The following CACNA1C variants were observed in gnomAD, a reference collection of about 807,000 sequenced individuals.
CACNA1C encodes the protein calcium voltage-gated channel subunit alpha1 C.
A neutral mutation model predicts 229.0 loss-of-function variants in CACNA1C; 30 were observed. The observed-to-expected ratio is 0.13, with a 90% CI of 0.10 to 0.18. CACNA1C has a LOEUF of 0.18. CACNA1C is among the 10% of genes least tolerant of loss of function. The pLI, the probability that CACNA1C is intolerant of heterozygous loss-of-function variation, is 1.00. For synonymous variants in CACNA1C, 1,114 were observed against 1,132.5 expected (o/e 0.98, Z 0.33); for missense variants, 1,658 against 2,845.0 (o/e 0.58, Z 9.49).
chr12:2,685,563 C>G (rs1452696413), intron 43 of CACNA1C, among the ~76,000 whole-genome samples, 173 bp from the exon 44 acceptor site: 2 of 152,128 alleles, frequency 1.3e-5, no homozygotes, highest in Non-Finnish European at 2.9e-5. Context: ...TGGAAGACGT[C>G]AGGGGCAGGC....
intron 30 of CACNA1C, among the ~76,000 whole-genome samples, chr12:2,643,170 A>T (rs564489246): frequency 6.6e-6 from 1 of 152,324 alleles, no homozygotes; most frequent in South Asian, 2.1e-4. Context: ...AACTCCAAAC[A>T]CACAAGAAAG....
chr12:2,450,470 C>T (rs557068576), intron 4 of CACNA1C, among the ~76,000 whole-genome samples: 1,711 of 137,644 alleles, frequency 0.012, 30 homozygotes, highest in African/African-American at 0.04. Flanking sequence ...AGGAGAATGG[C>T]GTGAACCCGG....
At chr12:2,091,833 C>T (rs879644537) in intron 1 of CACNA1C, among the ~76,000 whole-genome samples, 2 of 152,034 alleles carry the variant, frequency 1.3e-5, no homozygotes, top group Non-Finnish European at 2.9e-5. Context: ...TAAACTTTAC[C>T]CTGGGTTAGT....
At position 2,115,525 on chromosome 12, in the gene CACNA1C, C is replaced by T; in HGVS notation, c.351C>T (p.Cys117=). Reference sequence around the variant, plus strand: ...TGAAGAACCCCATCCGGAGGGCCTGCATCAGCATTGTCGAATGGAAATATC... The same window carrying T: ...TGAAGAACCCCATCCGGAGGGCCTGTATCAGCATTGTCGAATGGAAATATC... ...LTLKNPIRRA[C]ISIVEWKPFE... is the part of the protein sequence containing the mutation. Residue 117 remains cysteine, a synonymous_variant, in exon 2 of 47, where the codon TGC becomes TGT. Transcript: ENST00000399655. The T allele has an allele frequency of 6.2e-7, 1 of 1,613,420 alleles. No individual in the cohort carries two copies. Among genetic ancestry groups the T allele is most frequent in the Non-Finnish European group, 8.5e-7 (1 of 1,179,868 alleles).
chr12:2,507,306 C>T (rs548955042), intron 8 of CACNA1C, among the ~76,000 whole-genome samples: 4 of 152,120 alleles, frequency 2.6e-5, no homozygotes, highest in Non-Finnish European at 5.9e-5. Flanking sequence ...TGTGTATGGG[C>T]GAGCACCTCC....
chr12:1,992,601 C>T (rs1455538939), intron 1 of CACNA1C: 1 of 156,682 alleles, frequency 6.4e-6, no homozygotes, highest in African/African-American at 2.4e-5. Context: ...CAGCAATCTT[C>T]CTCTGGGCTG....
intron 3 of CACNA1C, among the ~76,000 whole-genome samples, chr12:2,214,545 TGA>T (rs749704219): frequency 4.6e-5 from 7 of 151,852 alleles, no homozygotes; most frequent in Non-Finnish European, 8.8e-5. Flanking sequence ...ATGGAGAGGT[TGA>T]GCAACTGCCA....
At chr12:2,310,671 A>T (rs937930795) in intron 3 of CACNA1C, among the ~76,000 whole-genome samples, 6 of 151,978 alleles carry the variant, frequency 3.9e-5, no homozygotes, top group African/African-American at 1.2e-4. Context: ...AGGCAGGGGG[A>T]TGGACTAGAG....
At chr12:2,612,166 T>C in intron 29 of CACNA1C, 153 bp downstream of exon 29, 1 of 609,498 alleles carries the variant, frequency 1.6e-6, no homozygotes. Context: ...CCCCAACTCC[T>C]ACACCTGCCC....
intron 1 of CACNA1C, among the ~76,000 whole-genome samples, chr12:1,986,367 C>T (rs1056414792): frequency 1.3e-5 from 2 of 152,116 alleles, no homozygotes; most frequent in African/African-American, 4.8e-5. Flanking sequence ...CCCAGTCTTC[C>T]GACTACAAAG....
intron 4 of CACNA1C, among the ~76,000 whole-genome samples, chr12:2,454,233 G>A (rs2099402446): frequency 6.6e-6 from 1 of 152,168 alleles, no homozygotes; most frequent in South Asian, 2.1e-4. Flanking sequence ...CCACCTTCCT[G>A]CAGTAGCTTC....
At chr12:2,041,980 G>T (rs1566011843) in intron 1 of CACNA1C, among the ~76,000 whole-genome samples, 2 of 152,188 alleles carry the variant, frequency 1.3e-5, no homozygotes, top group South Asian at 2.1e-4. Flanking sequence ...AAAGTTTCAT[G>T]ATAATTTTAA....
At chr12:2,522,749 C>T (rs1194714651) in intron 9 of CACNA1C, among the ~76,000 whole-genome samples, 2 of 152,082 alleles carry the variant, frequency 1.3e-5, no homozygotes, top group Non-Finnish European at 2.9e-5. Context: ...AGGACAGGGG[C>T]AGAGGCATGA....
intron 16 of CACNA1C, 24 bp downstream of exon 16, chr12:2,584,641 C>A: frequency 6.7e-7 from 1 of 1,489,284 alleles, no homozygotes; most frequent in Non-Finnish European, 9.3e-7. Flanking sequence ...CTTGCCCAGG[C>A]CTGGGGCTCC....
At chr12:2,629,389 C>T (rs147766557) in intron 29 of CACNA1C, among the ~76,000 whole-genome samples, 152 of 152,292 alleles carry the variant, frequency 1.0e-3, no homozygotes, top group African/African-American at 3.5e-3. Context: ...CCAGGAAGTA[C>T]CACTGGACCA....
intron 1 of CACNA1C, among the ~76,000 whole-genome samples, chr12:2,103,508 T>G (rs2077154783): frequency 6.6e-6 from 1 of 152,226 alleles, no homozygotes; most frequent in Admixed American, 6.5e-5. Context: ...TGTAAAAATT[T>G]TCTTCCATTC....
At chr12:2,443,435 G>A (rs1182454375) in intron 3 of CACNA1C, among the ~76,000 whole-genome samples, 1 of 152,214 alleles carries the variant, frequency 6.6e-6, no homozygotes, top group Non-Finnish European at 1.5e-5. Flanking sequence ...AAGTCTGGGT[G>A]TTTCCATGCT....
In CACNA1C at chr12:2,093,138, T is replaced by A. The variant is rs924481109; in HGVS notation, c.50-22086T>A. 1.6e-4 allele frequency among the ~76,000 whole-genome samples: 25 copies of A among 152,312 alleles called. 1 individual carries two copies. Among genetic ancestry groups the A allele is most frequent in the Admixed American group, 1.4e-3 (22 of 15,302 alleles). Reference sequence around the variant, plus strand: ...CTTTCGTTTCAGGCCCAAATTTAGTTACAGAGTCAGAAAGAGCAAGGCCCC... The same window carrying A: ...CTTTCGTTTCAGGCCCAAATTTAGTAACAGAGTCAGAAAGAGCAAGGCCCC... On this transcript the variant is annotated intron_variant, in intron 1 of 46. Coordinates refer to ENST00000399655, the MANE Select transcript of CACNA1C (RefSeq NM_000719.7).
At chr12:2,369,478 A>G (rs1207959927) in intron 3 of CACNA1C, among the ~76,000 whole-genome samples, 1 of 150,202 alleles carries the variant, frequency 6.7e-6, no homozygotes, top group African/African-American at 2.4e-5. Context: ...GGCTCACTGC[A>G]TCCCCCACCT....
Sources: allele counts gnomAD v4.1 joint callset (sites outside exome capture counted in the v4.1 genomes callset), GRCh38; gene constraint gnomAD v4.1.1; transcripts MANE v1.5; gene names NCBI Gene and HGNC (gene_info 2026-07-23, HGNC 2026-07-21).